The following MACROD1 variants were observed in gnomAD, a reference collection of about 807,000 sequenced individuals.
The protein encoded by MACROD1 is mono-ADP ribosylhydrolase 1.
A neutral mutation model predicts 41.4 loss-of-function variants in MACROD1; 31 were observed. The observed-to-expected ratio is 0.75, with a 90% CI of 0.56 to 1.01. MACROD1 has a LOEUF of 1.01. MACROD1 is among the 50% of genes least tolerant of loss of function. The pLI, the probability that MACROD1 is intolerant of heterozygous loss-of-function variation, is 0.00. For missense variants in MACROD1, 473 were observed against 460.0 expected, an observed-to-expected ratio of 1.03 and a Z score of -0.26; for synonymous variants, 252 against 203.4, an observed-to-expected ratio of 1.24 and a Z score of -2.03.
chr11:64,045,293 G>C (rs1310839371), intron 3 of MACROD1, among the ~76,000 whole-genome samples: 1 of 152,242 alleles, frequency 6.6e-6, no homozygotes, highest in Non-Finnish European at 1.5e-5. Flanking sequence ...ATCTCCATTA[G>C]GGCCCCTGAG....
Position 63,998,839 on chromosome 11 carries a change from A to T in MACROD1, c.*29T>A. The T allele has an allele frequency of 6.3e-7, 1 of 1,576,446 alleles. No homozygotes were observed. Among genetic ancestry groups the T allele is most frequent in the South Asian group, 1.2e-5 (1 of 86,570 alleles). ...CGCACGGGGCGAGGCCCTGCTTACC[A>T]GTCCCGGTCAGGGTGGGCTGCGGGA... On this transcript the variant is annotated splice_region_variant and 3_prime_UTR_variant, in exon 10 of 11. Transcript: ENST00000255681.
At chr11:64,140,874 C>A (rs1261317225) in intron 3 of MACROD1, among the ~76,000 whole-genome samples, 2 of 152,228 alleles carry the variant, frequency 1.3e-5, no homozygotes, top group African/African-American at 4.8e-5. Flanking sequence ...GTGGCTCATG[C>A]CTGTAATCCT....
chr11:64,054,403 G>C (rs1943746917), intron 3 of MACROD1, among the ~76,000 whole-genome samples: 1 of 152,246 alleles, frequency 6.6e-6, no homozygotes, highest in Non-Finnish European at 1.5e-5. Context: ...GATAGGCTTT[G>C]AGCTCTTCTG....
chr11:64,024,810 G>A (rs1472958627), intron 3 of MACROD1, among the ~76,000 whole-genome samples: 1 of 152,112 alleles, frequency 6.6e-6, no homozygotes, highest in Non-Finnish European at 1.5e-5. Context: ...TTGACCCCTA[G>A]GAAAGGTCAA....
At chr11:63,999,298 C>T (rs1384622027) in intron 8 of MACROD1, 33 bp downstream of exon 8, 3 of 1,545,496 alleles carry the variant, frequency 1.9e-6, no homozygotes, top group Non-Finnish European at 2.6e-6. Context: ...GGCCGGGATG[C>T]GGACCCCACC....
chr11:64,074,294 CT>C (rs577463541), intron 3 of MACROD1, among the ~76,000 whole-genome samples: 44 of 152,310 alleles, frequency 2.9e-4, no homozygotes, highest in Admixed American at 1.9e-3. Context: ...GTTTCCCCAC[CT>C]TTCCTAGCTG....
Position 64,025,721 on chromosome 11 carries a change from C to CTTT in MACROD1, c.518-10443_518-10441dup, listed in dbSNP as rs35346247. 4.9e-5 allele frequency among the ~76,000 whole-genome samples: 7 copies of CTTT among 143,074 alleles called. 2 individuals carry two copies. The highest frequency in any genetic ancestry group is 9.1e-5 in the Non-Finnish European group (6 of 65,934). The allele number at this position is 143,074 out of a possible 152,430, so 93.9% of individuals were successfully genotyped here. A position where few individuals can be genotyped will look rare whatever the true frequency, so the allele number is the denominator to read the frequency against. ...CTGCTCTCATGGGCCCCCCCCGCTCCTTTTTTTTTTTTTTCAGACGGTCTC... is the reference window on the plus strand; with the variant it reads ...CTGCTCTCATGGGCCCCCCCCGCTCCTTTTTTTTTTTTTTTTTCAGACGGTCTC... On this transcript the variant is annotated intron_variant, in intron 3 of 10. Transcript: ENST00000255681.
At chr11:64,123,334 G>A (rs1023932425) in intron 3 of MACROD1, among the ~76,000 whole-genome samples, 2 of 152,238 alleles carry the variant, frequency 1.3e-5, no homozygotes, top group Non-Finnish European at 2.9e-5. Flanking sequence ...AGTGCAGAGA[G>A]GAGGCATTTT....
rs754240014 is a variant in MACROD1 at position 64,064,070 on chromosome 11, A to G, written c.518-48789T>C. On this transcript the variant is annotated intron_variant, in intron 3 of 10. Coordinates refer to ENST00000255681, the MANE Select transcript of MACROD1 (RefSeq NM_014067.4). This position sits in a 1 kb window ranked among gnomAD's most constrained non-coding sequence, Gnocchi z 4.5. ...TAGCCAGCTTTGAACAGCGACACCC[A>G]CACAAACCCGAGGTCTCTCTCTCTG... Among the ~76,000 whole-genome samples the G allele has an allele frequency of 2.6e-5, 4 of 152,182 alleles. No homozygotes were observed. The highest frequency in any genetic ancestry group is 5.9e-5 in the Non-Finnish European group (4 of 68,024).
chr11:64,105,283 G>A (rs775377006), intron 3 of MACROD1, among the ~76,000 whole-genome samples: 20 of 152,148 alleles, frequency 1.3e-4, no homozygotes, highest in African/African-American at 1.4e-4. Flanking sequence ...AGGAGGGCTC[G>A]GGGGTCATTC....
chr11:63,998,903 C>A, intron 9 of MACROD1, 31 bp from the exon 10 acceptor site: 1 of 1,594,312 alleles, frequency 6.3e-7, no homozygotes, highest in Non-Finnish European at 8.5e-7. Flanking sequence ...AGAGCCCGCC[C>A]CCAGGGTGGA....
chr11:64,013,093 G>A (rs1175592914), intron 4 of MACROD1, among the ~76,000 whole-genome samples: 2 of 152,158 alleles, frequency 1.3e-5, no homozygotes, highest in Non-Finnish European at 2.9e-5. Flanking sequence ...GCCTCCCAAA[G>A]TGCTAGGATT....
chr11:64,019,002 G>C (rs1194479936), intron 3 of MACROD1, among the ~76,000 whole-genome samples: 1 of 152,034 alleles, frequency 6.6e-6, no homozygotes, highest in African/African-American at 2.4e-5. Flanking sequence ...CAGCAAACAG[G>C]GGCCTTTGAA....
chr11:64,118,311 GC>G, intron 3 of MACROD1: 2 of 1,533,546 alleles, frequency 1.3e-6, no homozygotes, highest in Non-Finnish European at 1.8e-6. Flanking sequence ...CACCCGGGCT[GC>G]CCCGCCTCAG....
At chr11:64,061,980 C>T (rs1482474130) in intron 3 of MACROD1, among the ~76,000 whole-genome samples, 1 of 146,776 alleles carries the variant, frequency 6.8e-6, no homozygotes, top group African/African-American at 2.5e-5. Flanking sequence ...CACCCCCCTG[C>T]CCCCTTCTAC....
chr11:64,124,383 C>T (rs920569985), intron 3 of MACROD1, among the ~76,000 whole-genome samples: 3 of 152,198 alleles, frequency 2.0e-5, no homozygotes, highest in Non-Finnish European at 2.9e-5. Flanking sequence ...CCATCACCGC[C>T]GGTGGATGGC....
intron 4 of MACROD1, chr11:64,001,908 A>AT (rs771440988): frequency 3.8e-5 from 24 of 630,066 alleles, no homozygotes; most frequent in Non-Finnish European, 6.4e-5. Context: ...GACCCCTCAC[A>AT]TATCATTTAA....
At chr11:64,003,124 C>T (rs1327853003) in intron 4 of MACROD1, among the ~76,000 whole-genome samples, 1 of 152,168 alleles carries the variant, frequency 6.6e-6, no homozygotes, top group Admixed American at 6.6e-5. Flanking sequence ...AGCCTTCCTC[C>T]ACCTGTGGCC....
At chr11:64,007,708 C>T (rs1942936613) in intron 4 of MACROD1, among the ~76,000 whole-genome samples, 1 of 152,184 alleles carries the variant, frequency 6.6e-6, no homozygotes, top group African/African-American at 2.4e-5. Context: ...AAGCACAGCC[C>T]CCTCCCCCCT....
Sources: gnomAD v4.1 joint callset for allele counts (sites outside exome capture counted in the v4.1 genomes callset) on GRCh38, gnomAD v4.1.1 for gene constraint, Gnocchi (gnomAD v3.1) non-coding constraint, MANE v1.5 for transcripts, NCBI Gene and HGNC (gene_info 2026-07-23, HGNC 2026-07-21) for gene names.